MCPH1: variants seen among roughly 807,000 people sequenced by gnomAD.
MCPH1 encodes microcephalin 1, also known as microcephalin.
MCPH1 carries 104 observed loss-of-function variants against 84.5 expected under a neutral mutation model. That is an observed-to-expected ratio of 1.23 (90% CI 1.05 to 1.45). The LOEUF (loss-of-function observed/expected upper bound fraction) is 1.45, where lower values mean the gene tolerates loss of function less well. MCPH1 is among the 40% of genes most tolerant of loss of function. MCPH1 has a pLI of 0.00. For synonymous variants in MCPH1, 514 were observed against 366.8 expected (o/e 1.40, Z -4.58); for missense variants, 1,498 against 1,005.7 (o/e 1.49, Z -6.62).
intron 8 of MCPH1, chr8:6,447,006 AGG>A (rs1804492207): frequency 3.5e-5 from 2 of 57,072 alleles, no homozygotes; most frequent in Non-Finnish European, 7.6e-5. Flanking sequence ...GCCATCAGGC[AGG>A]GGTGTCCAGG....
chr8:6,628,882 CT>C (rs1213848624), intron 13 of MCPH1, among the ~76,000 whole-genome samples: 11 of 152,216 alleles, frequency 7.2e-5, no homozygotes, highest in African/African-American at 2.4e-4. Context: ...TTAATTCATG[CT>C]TTGGGTTATG....
At position 6,436,128 on chromosome 8, in the gene MCPH1, G is replaced by GAATTGTA; in HGVS notation, c.402_403insAATTGTA (p.Ala135AsnfsTer4). 1 of 1,613,684 alleles carries GAATTGTA rather than the reference G, an allele frequency of 6.2e-7. No individual in the cohort carries two copies. The highest frequency in any genetic ancestry group is 8.5e-7 in the Non-Finnish European group (1 of 1,179,802). Reference sequence around the variant, plus strand: ...GATTTCAGAAGAAATTTGAGAAAATGGCTAAAGAGCTACAAAGGCAAAAAA... The same window carrying GAATTGTA: ...GATTTCAGAAGAAATTTGAGAAAATGAATTGTAGCTAAAGAGCTACAAAGGCAAAAAA... On this transcript the variant is annotated frameshift_variant, in exon 5 of 14. Transcript: ENST00000344683. LOFTEE classifies it high-confidence loss of function.
intron 13 of MCPH1, among the ~76,000 whole-genome samples, chr8:6,642,154 T>G (rs1797977397): frequency 6.6e-6 from 1 of 152,362 alleles, no homozygotes; most frequent in East Asian, 1.9e-4. Flanking sequence ...TTCCTTCAAA[T>G]GTAACTCTGT....
At chr8:6,473,735 G>C (rs1808069055) in intron 9 of MCPH1, 10 of 537,914 alleles carry the variant, frequency 1.9e-5, no homozygotes, top group Non-Finnish European at 2.8e-5. Context: ...CCGCCTGCTG[G>C]TCCTGCAACA....
chr8:6,437,268 A>T (rs1161379799), intron 5 of MCPH1, among the ~76,000 whole-genome samples: 2 of 151,972 alleles, frequency 1.3e-5, no homozygotes, highest in Non-Finnish European at 2.9e-5. Flanking sequence ...GTCTTTCTCC[A>T]TCACCAGGCT....
In MCPH1 at chr8:6,646,250, C is replaced by T. The variant is rs1335898831; in HGVS notation, c.*3201C>T. On this transcript the variant is annotated 3_prime_UTR_variant, in exon 14 of 14. Coordinates refer to ENST00000344683, the MANE Select transcript of MCPH1 (RefSeq NM_024596.5). ...GACCAGCCTGGCCAACTTGGTGAAA[C>T]CTTGTCTCTACTAGAAATACAAAAA... is the stretch of plus-strand genomic sequence containing the variant. 1 of 152,098 alleles carries T rather than the reference C, an allele frequency of 6.6e-6. No individual in the cohort carries two copies. Among genetic ancestry groups the T allele is most frequent in the Non-Finnish European group, 1.5e-5 (1 of 68,032 alleles). The allele number at this position is 152,098 out of a possible 1,614,324, so 9.4% of individuals were successfully genotyped here.
At chr8:6,509,880 A>T (rs1424652361) in intron 12 of MCPH1, among the ~76,000 whole-genome samples, 1 of 152,174 alleles carries the variant, frequency 6.6e-6, no homozygotes, top group Admixed American at 6.5e-5. Context: ...CACCCTGGGG[A>T]TCACAGGACT....
chr8:6,513,936 T>C, intron 12 of MCPH1: 1 of 1,212,566 alleles, frequency 8.2e-7, no homozygotes, highest in Admixed American at 2.5e-5. Context: ...ATAGAATAAC[T>C]ATCAAATAGC....
chr8:6,445,542 G>A lies in MCPH1; in HGVS notation c.1820G>A (p.Ser607Asn). ...EEKENLPGGY[S>N]GSVKNRPTRH... ...AAGGAAAACTTACCCGGAGGATACA[G>A]TGGAAGTATGTGAATCTCCTTTTCC... Residue 607 changes from serine (S) to asparagine (N), a missense_variant, in exon 8 of 14, where the codon AGT becomes AAT. Ser to Asn is a conservative substitution (Grantham distance 46). Coordinates refer to ENST00000344683, the MANE Select transcript of MCPH1 (RefSeq NM_024596.5). 1 of 1,584,170 alleles carries A rather than the reference G, an allele frequency of 6.3e-7. No individual in the cohort carries two copies. Among genetic ancestry groups the A allele is most frequent in the Non-Finnish European group, 8.6e-7 (1 of 1,167,438 alleles).
chr8:6,447,406 C>G (rs1423080369), intron 8 of MCPH1: 1 of 985,266 alleles, frequency 1.0e-6, no homozygotes, highest in African/African-American at 1.7e-5. Flanking sequence ...TTTGCCATTT[C>G]TGTTTTCAGT....
intron 3 of MCPH1, among the ~76,000 whole-genome samples, chr8:6,424,038 C>G (rs1478792247): frequency 2.0e-5 from 3 of 152,116 alleles, no homozygotes; most frequent in South Asian, 2.1e-4. Context: ...AATGCAGTAG[C>G]TCATGGTTTC....
chr8:6,611,954 C>T (rs1312049872), intron 12 of MCPH1, among the ~76,000 whole-genome samples: 2 of 152,122 alleles, frequency 1.3e-5, no homozygotes, highest in African/African-American at 4.8e-5. Flanking sequence ...ATTACATAGG[C>T]AGGACTGATG....
At chr8:6,626,849 A>G (rs1796753364) in intron 13 of MCPH1, 1 of 984,928 alleles carries the variant, frequency 1.0e-6, no homozygotes, top group African/African-American at 1.8e-5. Context: ...TGTTATCACG[A>G]AAGGCTGGCT....
intron 8 of MCPH1, among the ~76,000 whole-genome samples, chr8:6,448,909 A>G (rs1261514466): frequency 6.6e-6 from 1 of 152,216 alleles, no homozygotes; most frequent in African/African-American, 2.4e-5. Context: ...TGAGAAAAAG[A>G]CATTTTCCAC....
chr8:6,509,060 A>C, intron 12 of MCPH1: 1 of 1,613,710 alleles, frequency 6.2e-7, no homozygotes, highest in Non-Finnish European at 8.5e-7. Flanking sequence ...TTTAAGGTGA[A>C]TCCTGTAAGC....
chr8:6,412,669 T>G (rs1798703696), intron 2 of MCPH1, among the ~76,000 whole-genome samples: 1 of 152,178 alleles, frequency 6.6e-6, no homozygotes, highest in Non-Finnish European at 1.5e-5. Flanking sequence ...TTCGTCCTGT[T>G]TAGTGTGTAC....
chr8:6,614,944 C>G lies in MCPH1; in HGVS notation c.2215-6510C>G, dbSNP rs144603686. On this transcript the variant is annotated intron_variant, in intron 12 of 13. Transcript: ENST00000344683. ...CCTGATCTCAACCCCTCCATCTGTC[C>G]TCCACGTTGTCTGCATAGTGAGCCT... 3.0e-3 allele frequency among the ~76,000 whole-genome samples: 451 copies of G among 152,252 alleles called. 2 individuals carry two copies. The highest frequency in any genetic ancestry group is 0.011 in the African/African-American group (441 of 41,544).
intron 12 of MCPH1, among the ~76,000 whole-genome samples, chr8:6,612,096 C>G (rs1013869324): frequency 2.6e-5 from 4 of 152,154 alleles, no homozygotes; most frequent in African/African-American, 9.7e-5. Flanking sequence ...AGCATACACG[C>G]AGGTAGGGTT....
chr8:6,562,776 G>A (rs1012269583), intron 12 of MCPH1: 2 of 1,613,476 alleles, frequency 1.2e-6, no homozygotes, highest in Middle Eastern at 3.3e-4. Flanking sequence ...AGGAAGAGCG[G>A]CAGTTGTCCA....
Sources: gnomAD v4.1 joint callset for allele counts (sites outside exome capture counted in the v4.1 genomes callset) on GRCh38, gnomAD v4.1.1 for gene constraint, MANE v1.5 for transcripts, NCBI Gene and HGNC (gene_info 2026-07-23, HGNC 2026-07-21) for gene names.